Variants in DSE observed in about 807,000 individuals in gnomAD.
The protein encoded by DSE is dermatan sulfate epimerase, also known as dermatan-sulfate epimerase.
In DSE, 36 loss-of-function variants were observed where a neutral mutation model predicts 84.4. The observed-to-expected ratio is 0.43, with a 90% CI of 0.33 to 0.56. DSE has a LOEUF of 0.56. Among genes scored for constraint, DSE ranks in the 20% least tolerant of loss-of-function variants. DSE has a pLI of 0.06. For missense variants in DSE, 862 were observed against 1,169.6 expected (o/e 0.74, Z 3.84); for synonymous variants, 410 against 430.1 (o/e 0.95, Z 0.58).
intron 2 of DSE, among the ~76,000 whole-genome samples, chr6:116,331,979 G>A (rs2114792848): frequency 6.6e-6 from 1 of 151,676 alleles, no homozygotes; most frequent in South Asian, 2.1e-4. Flanking sequence ...AAGTAAAACT[G>A]CCATTATTTG....
At chr6:116,423,386 T>G (rs1783220560) in intron 2 of DSE, among the ~76,000 whole-genome samples, 1 of 152,210 alleles carries the variant, frequency 6.6e-6, no homozygotes, top group Non-Finnish European at 1.5e-5. Context: ...TATCTTTAAT[T>G]TCTTCCTATA....
In DSE at chr6:116,436,118, C is replaced by G. The variant is rs143312750; in HGVS notation, c.1650C>G (p.Asn550Lys). ...EGVGAYNPQLNLKNVQRNLIL... is the reference protein window; with the variant it reads ...EGVGAYNPQLKLKNVQRNLIL... ...TGGGAGCTTATAACCCCCAGCTCAA[C>G]CTGAAGAATGTTCAGAGGAATCTCA... The change falls in exon 6 of 6, where the codon AAC (asparagine) becomes AAG (lysine). Residue 550 changes from asparagine to lysine, a missense_variant. Physicochemically the swap from Asn to Lys is moderately conservative, Grantham distance 94. Transcript: ENST00000644252. 1 of 1,612,818 alleles carries G rather than the reference C, an allele frequency of 6.2e-7. No individual in the cohort carries two copies. The highest frequency in any genetic ancestry group is 8.5e-7 in the Non-Finnish European group (1 of 1,180,014).
intron 2 of DSE, among the ~76,000 whole-genome samples, chr6:116,406,960 T>C (rs958877871): frequency 9.2e-5 from 14 of 152,034 alleles, no homozygotes; most frequent in Admixed American, 5.9e-4. Flanking sequence ...ATAATATTAG[T>C]GTAGGAGGGA....
chr6:116,441,615 A>G lies in DSE; in HGVS notation c.*4270A>G, dbSNP rs1047066233. 3.3e-5 allele frequency: 5 copies of G among 152,322 alleles called. No homozygotes were observed. The highest frequency in any genetic ancestry group is 1.2e-4 in the African/African-American group (5 of 41,578). The allele number at this position is 152,322 out of a possible 1,614,324, so 9.4% of individuals were successfully genotyped here. On this transcript the variant is annotated 3_prime_UTR_variant, in exon 6 of 6. Coordinates refer to ENST00000644252, the MANE Select transcript of DSE (RefSeq NM_013352.4). ...AAAAGTCAGGGTAAGGAGACTGGGA[A>G]GAGGAGGCCATAATTTTAAATGTGG...
rs370593897 is a variant in DSE, at chr6:116,398,762, T to C, written c.-53-436T>C. On this transcript the variant is annotated intron_variant, in intron 1 of 5. Transcript: ENST00000644252. ...AGATAAGTTACAGTGAAAGAGGCTG[T>C]AGTAAGAAATACAGGATTTTCTGGT... Among the ~76,000 whole-genome samples the C allele has an allele frequency of 5.9e-5, 9 of 152,362 alleles. No homozygotes were observed. The East Asian group carries it at 1.3e-3, about 23-fold the overall frequency.
rs188491166 is a variant in DSE at position 116,295,997 on chromosome 6, G to A, written c.-54+37030G>A. Among the ~76,000 whole-genome samples the A allele has an allele frequency of 4.4e-3, 670 of 152,182 alleles. 3 individuals are homozygous for A. Among genetic ancestry groups the A allele is most frequent in the Non-Finnish European group, 6.8e-3 (461 of 67,990 alleles). ...TTTTCATTCAACCTCATCAATCTTG[G>A]AAACCTATTTTTTCATTAAATAAAT... On this transcript the variant is annotated intron_variant, in intron 2 of 3. Transcript: ENST00000430252.
At chr6:116,297,794 G>A (rs1430034283) in intron 2 of DSE, among the ~76,000 whole-genome samples, 1 of 152,182 alleles carries the variant, frequency 6.6e-6, no homozygotes, top group African/African-American at 2.4e-5. Context: ...CCATGTTAGG[G>A]GATGTCTGCC....
chr6:116,319,976 G>T (rs532461940), intron 2 of DSE, among the ~76,000 whole-genome samples: 52 of 152,278 alleles, frequency 3.4e-4, no homozygotes, highest in Non-Finnish European at 6.8e-4. Context: ...TCTAGGAAAA[G>T]ATCCCCTTTT....
At chr6:116,293,981 A>G (rs191595033) in intron 2 of DSE, among the ~76,000 whole-genome samples, 8 of 152,256 alleles carry the variant, frequency 5.3e-5, no homozygotes, top group Non-Finnish European at 1.0e-4. Flanking sequence ...ATTAGTAACT[A>G]GCTAATAGTT....
chr6:116,264,850 G>A (rs1772553648), intron 2 of DSE, among the ~76,000 whole-genome samples: 1 of 152,108 alleles, frequency 6.6e-6, no homozygotes, highest in Admixed American at 6.5e-5. Context: ...CCAGCACTCA[G>A]CTCCCAAGTC....
At chr6:116,258,143 G>C (rs1436128269) in intron 1 of DSE, among the ~76,000 whole-genome samples, 2 of 151,898 alleles carry the variant, frequency 1.3e-5, no homozygotes, top group African/African-American at 4.8e-5. Context: ...AGTCTCCCAA[G>C]TAGCTGGGAT....
At chr6:116,343,727 TC>T (rs1777767381) in intron 2 of DSE, among the ~76,000 whole-genome samples, 1 of 152,106 alleles carries the variant, frequency 6.6e-6, no homozygotes, top group Non-Finnish European at 1.5e-5. Flanking sequence ...GTGCCTCTTC[TC>T]CTCCAAAGGA....
chr6:116,399,738 A>C, intron 2 of DSE, 72 bp downstream of exon 2: 25 of 1,422,716 alleles, frequency 1.8e-5, no homozygotes, highest in Non-Finnish European at 2.2e-5. Context: ...ATGACATCTC[A>C]GTGGCCAGAT....
intron 2 of DSE, among the ~76,000 whole-genome samples, chr6:116,305,828 G>A (rs1775310829): frequency 1.3e-5 from 2 of 152,074 alleles, no homozygotes; most frequent in African/African-American, 4.8e-5. Flanking sequence ...TTTTAGTAGA[G>A]ACAGCGTTTC....
rs1159482695 is a variant in DSE, at chr6:116,409,575, G to A, written c.416+9909G>A. 3.9e-5 allele frequency among the ~76,000 whole-genome samples: 6 copies of A among 152,102 alleles called. No individual in the cohort carries two copies. In the East Asian group the frequency reaches 7.7e-4, roughly 20 times the overall value. On this transcript the variant is annotated intron_variant, in intron 2 of 5. Coordinates refer to ENST00000644252, the MANE Select transcript of DSE (RefSeq NM_013352.4). ...ATTACAGGCGTGAGCCAACACGCCC[G>A]GCCAATATAAGTTTATTGTATACTT...
chr6:116,389,648 A>G (rs935476274), intron 1 of DSE, among the ~76,000 whole-genome samples: 17 of 152,146 alleles, frequency 1.1e-4, no homozygotes, highest in African/African-American at 3.9e-4. Flanking sequence ...CTGTTATTTG[A>G]AACTGTATAG....
chr6:116,279,411 G>C lies in DSE; in HGVS notation c.-54+20444G>C, dbSNP rs377417680. 1.1e-5 allele frequency: 17 copies of C among 1,613,274 alleles called. No individual in the cohort carries two copies. The South Asian group carries it at 1.8e-4, about 17-fold the overall frequency. On this transcript the variant is annotated intron_variant, in intron 2 of 3. Transcript: ENST00000430252. ...CCGCCCCCGCCGTCAGCTCAGACGC[G>C]GATCTCTGGGCGCCACAGATTTCTA...
intron 2 of DSE, among the ~76,000 whole-genome samples, chr6:116,352,751 A>C (rs148157645): frequency 1.7e-3 from 254 of 152,304 alleles, no homozygotes; most frequent in African/African-American, 5.8e-3. Flanking sequence ...CTGGCAGAGA[A>C]ATCATTACCC....
intron 2 of DSE, among the ~76,000 whole-genome samples, chr6:116,347,280 A>C (rs1242349794): frequency 6.6e-6 from 1 of 152,186 alleles, no homozygotes; most frequent in Non-Finnish European, 1.5e-5. Flanking sequence ...TCTAAAGTTC[A>C]TATGGAACCA....
Sources: gnomAD v4.1 joint callset for allele counts (sites outside exome capture counted in the v4.1 genomes callset) on GRCh38, gnomAD v4.1.1 for gene constraint, MANE v1.5 for transcripts, NCBI Gene and HGNC (gene_info 2026-07-23, HGNC 2026-07-21) for gene names.